Variants in MBD5 observed in about 807,000 individuals in gnomAD.
The protein encoded by MBD5 is methyl-CpG-binding domain protein 5.
Under a neutral mutation model 117.3 loss-of-function variants are expected in MBD5, and 13 were observed. The observed-to-expected ratio is 0.11, with a 90% CI of 0.07 to 0.18. MBD5 has a LOEUF of 0.18. Ranked by LOEUF, MBD5 falls within the 10% of genes least tolerant of loss-of-function variation. MBD5 has a pLI of 1.00. For missense variants in MBD5, 1,879 were observed against 2,093.8 expected (o/e 0.90, Z 2.00); for synonymous variants, 727 against 766.4 (o/e 0.95, Z 0.85).
intron 1 of MBD5, among the ~76,000 whole-genome samples, chr2:148,122,487 G>T (rs1176882259): frequency 6.6e-6 from 1 of 152,114 alleles, no homozygotes; most frequent in Non-Finnish European, 1.5e-5. Context: ...ACTTACGAAG[G>T]CAGGGAGGTA....
chr2:148,042,976 G>A (rs1694406309), intron 1 of MBD5, among the ~76,000 whole-genome samples: 1 of 152,150 alleles, frequency 6.6e-6, no homozygotes, highest in African/African-American at 2.4e-5. Flanking sequence ...GGGGTAGGAT[G>A]TCTTGTATAA....
intron 3 of MBD5, among the ~76,000 whole-genome samples, chr2:148,249,507 C>T (rs1700416688): frequency 6.6e-6 from 1 of 152,080 alleles, no homozygotes; most frequent in Non-Finnish European, 1.5e-5. Context: ...TCTCTACCCC[C>T]ACACAATTTT....
intron 1 of MBD5, among the ~76,000 whole-genome samples, chr2:148,094,354 C>T (rs914532279): frequency 6.6e-6 from 1 of 152,104 alleles, no homozygotes; most frequent in Admixed American, 6.6e-5. Context: ...ATTTGGCCAC[C>T]CTCATTTATA....
At chr2:148,427,639 T>A (rs1377180833) in intron 4 of MBD5, among the ~76,000 whole-genome samples, 1 of 149,572 alleles carries the variant, frequency 6.7e-6, no homozygotes, top group Non-Finnish European at 1.5e-5. Flanking sequence ...GGGCCTGTTG[T>A]GGGATGGGGG....
intron 4 of MBD5, among the ~76,000 whole-genome samples, chr2:148,382,633 C>T (rs2105449497): frequency 6.6e-6 from 1 of 152,238 alleles, no homozygotes; most frequent in African/African-American, 2.4e-5. Context: ...ACTCTCCACC[C>T]CAAATCAACA....
chr2:148,271,907 T>C (rs1305243196), intron 3 of MBD5, among the ~76,000 whole-genome samples: 2 of 152,220 alleles, frequency 1.3e-5, no homozygotes, highest in African/African-American at 2.4e-5. Flanking sequence ...CCTGTCCAGC[T>C]GAAATTCTGT....
At chr2:148,488,942 T>G (rs1559098223) in intron 10 of MBD5, among the ~76,000 whole-genome samples, 2 of 152,314 alleles carry the variant, frequency 1.3e-5, no homozygotes, top group African/African-American at 4.8e-5. Context: ...TGTATTTCAC[T>G]TAGTTAAGTG....
intron 3 of MBD5, among the ~76,000 whole-genome samples, chr2:148,336,545 C>T (rs929757844): frequency 5.9e-5 from 9 of 152,080 alleles, no homozygotes; most frequent in South Asian, 2.1e-4. Context: ...CACCACCACA[C>T]GCGGCAAATT....
chr2:148,458,770 C>G lies in MBD5; in HGVS notation c.12C>G (p.Gly4=), dbSNP rs1706963163. 1 of 1,613,214 alleles carries G rather than the reference C, an allele frequency of 6.2e-7. No individual in the cohort carries two copies. The highest frequency in any genetic ancestry group is 2.2e-5 in the East Asian group (1 of 44,858). MNG[G]KECDGGDKEG... ...AGCAGACACAGAAAATGAATGGAGG[C>G]AAAGAGTGTGACGGAGGGGACAAGG... The change falls in exon 5 of 14, where the codon GGC becomes GGG. Residue 4 remains glycine, a synonymous_variant. Coordinates refer to ENST00000642680, the MANE Select transcript of MBD5 (RefSeq NM_001378120.1).
chr2:148,425,523 C>T (rs952963025), intron 4 of MBD5, among the ~76,000 whole-genome samples: 1 of 151,988 alleles, frequency 6.6e-6, no homozygotes, highest in Non-Finnish European at 1.5e-5. Flanking sequence ...GGAATCCTCC[C>T]TAACTCATTT....
Position 148,513,135 on chromosome 2 carries a change from C to T in MBD5, c.*194C>T, listed in dbSNP as rs1184075260. ...GAAGGATAATGAATGCTGGAAAAGC[C>T]AATCAAAGTCTCTGTGTGATGAGAG... On this transcript the variant is annotated 3_prime_UTR_variant, in exon 14 of 14. Transcript: ENST00000642680. 3.3e-6 allele frequency: 2 copies of T among 597,684 alleles called. No individual in the cohort carries two copies. Among genetic ancestry groups the T allele is most frequent in the East Asian group, 2.8e-5 (1 of 35,302 alleles). 37.0% of individuals were successfully genotyped at this position (597,684 alleles called of 1,614,324 possible).
chr2:148,184,378 A>G (rs942175015), intron 2 of MBD5, among the ~76,000 whole-genome samples: 3 of 152,024 alleles, frequency 2.0e-5, no homozygotes, highest in East Asian at 1.9e-4. Context: ...CCTTTCTTTT[A>G]TATTTTCTAT....
chr2:148,396,338 C>T (rs777161519), intron 4 of MBD5, among the ~76,000 whole-genome samples: 26 of 152,206 alleles, frequency 1.7e-4, no homozygotes, highest in Non-Finnish European at 3.4e-4. Context: ...TGACCATGCA[C>T]AGCGGCGGCT....
intron 1 of MBD5, among the ~76,000 whole-genome samples, chr2:148,154,925 G>A (rs1482277674): frequency 6.6e-6 from 1 of 152,144 alleles, no homozygotes; most frequent in African/African-American, 2.4e-5. Context: ...GTAGACAGGA[G>A]CTATTCCTAT....
chr2:148,303,203 C>G (rs1329978370), intron 3 of MBD5, among the ~76,000 whole-genome samples: 1 of 152,090 alleles, frequency 6.6e-6, no homozygotes, highest in Non-Finnish European at 1.5e-5. Context: ...GTAAATCAGA[C>G]AAACAATTTG....
chr2:148,054,643 A>G (rs1389997101), intron 1 of MBD5: 4 of 152,236 alleles, frequency 2.6e-5, no homozygotes, highest in Non-Finnish European at 5.9e-5. Context: ...GTCATTTTAG[A>G]AATTTAGTAT....
chr2:148,155,283 A>T (rs1033476891), intron 1 of MBD5, among the ~76,000 whole-genome samples: 21 of 152,146 alleles, frequency 1.4e-4, no homozygotes, highest in African/African-American at 4.6e-4. Flanking sequence ...CTGGGGGAAG[A>T]CTGTTACAGG....
chr2:148,384,320 GACAA>G (rs1183096951), intron 4 of MBD5, among the ~76,000 whole-genome samples: 10 of 152,024 alleles, frequency 6.6e-5, no homozygotes, highest in African/African-American at 2.4e-4. Flanking sequence ...ACCAATAACA[GACAA>G]ACAGAGAGCC....
intron 2 of MBD5, among the ~76,000 whole-genome samples, chr2:148,205,147 G>A (rs570428285): frequency 6.6e-6 from 1 of 151,962 alleles, no homozygotes; most frequent in Admixed American, 6.6e-5. Context: ...CGTAATCTCG[G>A]CTCACTGTAA....
Sources: gnomAD v4.1 joint callset for allele counts (sites outside exome capture counted in the v4.1 genomes callset) on GRCh38, gnomAD v4.1.1 for gene constraint, MANE v1.5 for transcripts, NCBI Gene and HGNC (gene_info 2026-07-23, HGNC 2026-07-21) for gene names.